The following GLRA3 variants were observed in gnomAD, a reference collection of about 807,000 sequenced individuals.
GLRA3 encodes glycine receptor subunit alpha-3.
GLRA3 carries 44 observed loss-of-function variants against 60.4 expected under a neutral mutation model. The observed-to-expected ratio is 0.73, with a 90% CI of 0.57 to 0.94. GLRA3 has a LOEUF of 0.94. GLRA3 is among the 40% of genes least tolerant of loss of function. GLRA3 has a pLI of 0.00. For missense variants in GLRA3, 508 were observed against 564.6 expected, an observed-to-expected ratio of 0.90 and a Z score of 1.02; for synonymous variants, 223 against 192.9, an observed-to-expected ratio of 1.16 and a Z score of -1.29.
intron 7 of GLRA3, among the ~76,000 whole-genome samples, chr4:174,659,947 G>A (rs941778239): frequency 3.5e-5 from 5 of 142,052 alleles, no homozygotes; most frequent in Non-Finnish European, 7.5e-5. Flanking sequence ...ACTCCAGCCA[G>A]GGCAAAAGAG....
rs1438070030 is a variant in GLRA3, at chr4:174,639,322, T to A, written c.*4464A>T. 6.6e-6 allele frequency: 1 copy of A among 151,744 alleles called. No individual in the cohort carries two copies. Among genetic ancestry groups the A allele is most frequent in the African/African-American group, 2.4e-5 (1 of 41,326 alleles). The allele number at this position is 151,744 out of a possible 1,614,324, so 9.4% of individuals were successfully genotyped here. On this transcript the variant is annotated 3_prime_UTR_variant, in exon 10 of 10. Transcript: ENST00000274093. ...TGAACCTTTGTCTAGAAAAATTGAC[T>A]GTCTTTGTATTTTTAATCTAAAGGA... is the stretch of plus-strand genomic sequence containing the variant.
chr4:174,769,123 A>C (rs1344172578), intron 2 of GLRA3, among the ~76,000 whole-genome samples: 1 of 152,058 alleles, frequency 6.6e-6, no homozygotes, highest in Non-Finnish European at 1.5e-5. Context: ...TCATTTAATC[A>C]TCAATTCTTC....
intron 5 of GLRA3, among the ~76,000 whole-genome samples, chr4:174,685,341 C>G (rs1283417080): frequency 2.0e-5 from 3 of 152,188 alleles, no homozygotes; most frequent in Non-Finnish European, 4.4e-5. Flanking sequence ...ACCGTCCACT[C>G]TACAGGCAGT....
At chr4:174,785,737 T>C (rs1226029866) in intron 2 of GLRA3, among the ~76,000 whole-genome samples, 2 of 152,144 alleles carry the variant, frequency 1.3e-5, no homozygotes, top group Non-Finnish European at 2.9e-5. Context: ...ATTTAGGTTA[T>C]AGTAATATAT....
intron 1 of GLRA3, among the ~76,000 whole-genome samples, chr4:174,821,541 T>A (rs2111398001): frequency 6.6e-6 from 1 of 152,226 alleles, no homozygotes; most frequent in South Asian, 2.1e-4. Flanking sequence ...TTTTTATTTT[T>A]ATTTTTAAAA....
intron 2 of GLRA3, among the ~76,000 whole-genome samples, chr4:174,776,900 C>G (rs542935810): frequency 6.6e-6 from 1 of 152,170 alleles, no homozygotes; most frequent in African/African-American, 2.4e-5. Context: ...GACCAAAACA[C>G]AATTACAGAG....
At chr4:174,647,362 G>A (rs980271540) in intron 9 of GLRA3, among the ~76,000 whole-genome samples, 4 of 150,722 alleles carry the variant, frequency 2.7e-5, no homozygotes, top group Non-Finnish European at 4.4e-5. Context: ...AGCTAAGATC[G>A]CGCCACTGCA....
At chr4:174,662,430 T>C (rs1363374241) in intron 7 of GLRA3, among the ~76,000 whole-genome samples, 1 of 152,182 alleles carries the variant, frequency 6.6e-6, no homozygotes, top group Admixed American at 6.5e-5. Flanking sequence ...TTCAAACTAA[T>C]TTGCCCTACT....
rs147964401 is a variant in GLRA3, at chr4:174,812,477, C to T, written c.71+16264G>A. 5.2e-3 allele frequency among the ~76,000 whole-genome samples: 786 copies of T among 152,074 alleles called. 5 individuals carry two copies. The highest frequency in any genetic ancestry group is 0.018 in the African/African-American group (741 of 41,502). ...TAAGTATATTCAAGACAGATTGGGC[C>T]TTTTTATTCCTGTAGTGCAAGAAGC... On this transcript the variant is annotated intron_variant, in intron 1 of 9. Transcript: ENST00000274093.
intron 1 of GLRA3, among the ~76,000 whole-genome samples, chr4:174,822,113 A>G (rs999747887): frequency 1.3e-5 from 2 of 152,330 alleles, no homozygotes; most frequent in Non-Finnish European, 2.9e-5. Flanking sequence ...CAAATTGGAA[A>G]TGGATATCAC....
At chr4:174,646,178 C>T (rs969260328) in intron 9 of GLRA3, among the ~76,000 whole-genome samples, 5 of 152,180 alleles carry the variant, frequency 3.3e-5, no homozygotes, top group Non-Finnish European at 5.9e-5. Context: ...TATCAGGATT[C>T]TAGCTGATGT....
intron 2 of GLRA3, among the ~76,000 whole-genome samples, chr4:174,788,208 C>T (rs1739194216): frequency 6.6e-6 from 1 of 151,914 alleles, no homozygotes; most frequent in Non-Finnish European, 1.5e-5. Context: ...AGTTACATAT[C>T]CTTATATAAA....
At chr4:174,813,020 T>C (rs1740332417) in intron 1 of GLRA3, among the ~76,000 whole-genome samples, 1 of 152,176 alleles carries the variant, frequency 6.6e-6, no homozygotes, top group Non-Finnish European at 1.5e-5. Flanking sequence ...CTGTGCTTTG[T>C]ACAAAAAGGC....
chr4:174,778,126 G>GT (rs1174903756), intron 2 of GLRA3, among the ~76,000 whole-genome samples: 1 of 151,914 alleles, frequency 6.6e-6, no homozygotes, highest in Non-Finnish European at 1.5e-5. Context: ...CTCCAACTCT[G>GT]TAACATCGTT....
intron 9 of GLRA3, among the ~76,000 whole-genome samples, chr4:174,650,193 T>C (rs1374349482): frequency 6.6e-6 from 1 of 152,164 alleles, no homozygotes; most frequent in Non-Finnish European, 1.5e-5. Flanking sequence ...TTTCTTCTGC[T>C]TTCTATTATT....
intron 1 of GLRA3, among the ~76,000 whole-genome samples, chr4:174,806,511 A>G (rs1294450918): frequency 6.6e-6 from 1 of 152,126 alleles, no homozygotes; most frequent in Non-Finnish European, 1.5e-5. Context: ...AGACATTGAA[A>G]ATATTCAGAA....
intron 5 of GLRA3, among the ~76,000 whole-genome samples, chr4:174,695,149 AC>A (rs1734999982): frequency 6.6e-6 from 1 of 152,036 alleles, no homozygotes; most frequent in African/African-American, 2.4e-5. Flanking sequence ...TCTGAATTTT[AC>A]CAGATTTGTA....
rs998132744 is a variant in GLRA3, at chr4:174,778,613, G to A, written c.199+10203C>T. Among the ~76,000 whole-genome samples the A allele has an allele frequency of 7.0e-4, 107 of 152,192 alleles. 2 individuals carry two copies. Among genetic ancestry groups the A allele is most frequent in the Non-Finnish European group, 1.3e-4 (9 of 68,038 alleles). The stretch of plus-strand genomic sequence containing the variant: ...CCAGACAGTGGGCGCAGGTCAGTGG[G>A]TGCACGCACCGTGCGCGAGCCGAAG... On this transcript the variant is annotated intron_variant, in intron 2 of 9. Transcript: ENST00000274093.
intron 9 of GLRA3, among the ~76,000 whole-genome samples, chr4:174,651,778 A>G (rs931938206): frequency 6.6e-6 from 1 of 152,180 alleles, no homozygotes; most frequent in African/African-American, 2.4e-5. Flanking sequence ...AATTCCTTGC[A>G]AATCTAATTT....
Sources: gnomAD v4.1 joint callset for allele counts (sites outside exome capture counted in the v4.1 genomes callset) on GRCh38, gnomAD v4.1.1 for gene constraint, MANE v1.5 for transcripts, NCBI Gene and HGNC (gene_info 2026-07-23, HGNC 2026-07-21) for gene names.